KIAA0825: variants seen among roughly 807,000 people sequenced by gnomAD.
KIAA0825 encodes KIAA0825.
In KIAA0825, 119 loss-of-function variants were observed where a neutral mutation model predicts 147.6. The observed-to-expected ratio is 0.81, with a 90% CI of 0.69 to 0.94. The LOEUF (loss-of-function observed/expected upper bound fraction) is 0.94. Among genes scored for constraint, KIAA0825 ranks in the 40% least tolerant of loss-of-function variants. The probability of loss-of-function intolerance (pLI) is 0.00; values close to 1 mark genes in which losing one functional copy is unlikely to be tolerated. For synonymous variants in KIAA0825, 470 were observed against 518.1 expected, an observed-to-expected ratio of 0.91 and a Z score of 1.26; for missense variants, 1,381 against 1,472.7, an observed-to-expected ratio of 0.94 and a Z score of 1.02.
chr5:94,155,579 G>A (rs1211545876), intron 20 of KIAA0825, among the ~76,000 whole-genome samples: 1 of 152,044 alleles, frequency 6.6e-6, no homozygotes, highest in Non-Finnish European at 1.5e-5. Flanking sequence ...GGCCAGTCCT[G>A]GCAGTCATAT....
At chr5:94,612,414 T>G (rs571896546) in intron 1 of KIAA0825, among the ~76,000 whole-genome samples, 1 of 152,078 alleles carries the variant, frequency 6.6e-6, no homozygotes, top group Non-Finnish European at 1.5e-5. Flanking sequence ...CTTAGAAGAG[T>G]GTAGCACTTT....
chr5:94,529,377 C>A (rs549440947), intron 3 of KIAA0825, among the ~76,000 whole-genome samples: 19 of 138,814 alleles, frequency 1.4e-4, no homozygotes, highest in South Asian at 4.5e-4. Context: ...ATGTATATAT[C>A]TCATATATGT....
At chr5:94,351,768 A>C (rs1225992420) in intron 20 of KIAA0825, among the ~76,000 whole-genome samples, 1 of 152,036 alleles carries the variant, frequency 6.6e-6, no homozygotes, top group African/African-American at 2.4e-5. Flanking sequence ...CAGAATAAAT[A>C]ACCCAGAAAT....
In KIAA0825 at chr5:94,469,989, T is replaced by C. The variant is rs1287864280; in HGVS notation, c.1844A>G (p.His615Arg). 1 of 1,551,700 alleles carries C rather than the reference T, an allele frequency of 6.4e-7. No homozygotes were observed. Among genetic ancestry groups the C allele is most frequent in the African/African-American group, 1.4e-5 (1 of 73,050 alleles). The change falls in exon 10 of 21, where the codon CAC becomes CGC. Residue 615 changes from histidine to arginine, a missense_variant. By Grantham distance (29) the His-to-Arg change is conservative. Coordinates refer to ENST00000682413, the MANE Select transcript of KIAA0825 (RefSeq NM_001145678.3). ...TSILQDAESHHWDDYKAFYEG... is the reference protein window; with the variant it reads ...TSILQDAESHRWDDYKAFYEG... ...ATAAAAAGCTTTGTAGTCATCCCAG[T>C]GGTGGCTCTCAGCATCCTGTAAAAT...
rs1000559480 is a variant in KIAA0825, at chr5:94,618,559, T to A, written c.-212A>T. On this transcript the variant is annotated 5_prime_UTR_variant, in exon 1 of 21. Coordinates refer to ENST00000682413, the MANE Select transcript of KIAA0825 (RefSeq NM_001145678.3). The stretch of plus-strand genomic sequence containing the variant: ...CCTGACCCGCTGGCCAGACTCAAGC[T>A]CTGCACCAGGTATTACCACCCTGGC... 3.3e-5 allele frequency: 5 copies of A among 153,688 alleles called. No homozygotes were observed. The highest frequency in any genetic ancestry group is 1.5e-5 in the Non-Finnish European group (1 of 68,230). The allele number at this position is 153,688 out of a possible 1,614,324, so 9.5% of individuals were successfully genotyped here.
At chr5:94,333,982 C>T (rs1781539696) in intron 20 of KIAA0825, among the ~76,000 whole-genome samples, 2 of 152,030 alleles carry the variant, frequency 1.3e-5, no homozygotes, top group Non-Finnish European at 2.9e-5. Context: ...ACATTCCATG[C>T]TCATGGATAG....
chr5:94,189,880 T>C (rs1770500494), intron 20 of KIAA0825, among the ~76,000 whole-genome samples: 2 of 152,224 alleles, frequency 1.3e-5, no homozygotes, highest in South Asian at 4.1e-4. Flanking sequence ...CTAAAAATAT[T>C]GAATCTTCAA....
At chr5:94,476,323 T>C (rs1294661697) in intron 7 of KIAA0825, among the ~76,000 whole-genome samples, 1 of 152,156 alleles carries the variant, frequency 6.6e-6, no homozygotes, top group Non-Finnish European at 1.5e-5. Context: ...GCAGGCCAGA[T>C]ATTAATGGAG....
intron 20 of KIAA0825, among the ~76,000 whole-genome samples, chr5:94,200,209 AG>A (rs1279446684): frequency 6.6e-6 from 1 of 152,068 alleles, no homozygotes; most frequent in Non-Finnish European, 1.5e-5. Flanking sequence ...TGTGGGTCAT[AG>A]GGGTCTCCCA....
intron 1 of KIAA0825, among the ~76,000 whole-genome samples, chr5:94,607,331 T>C (rs1336911427): frequency 6.6e-6 from 1 of 152,134 alleles, no homozygotes; most frequent in East Asian, 1.9e-4. Flanking sequence ...TGTGACACTT[T>C]AGGAAATCAG....
In KIAA0825 at chr5:94,583,486, C is replaced by T. The variant is rs142613986; in HGVS notation, c.-152-903G>A. Reference sequence around the variant, plus strand: ...CAGCCATTGTTCAGGCTTGAGTAGACGGTTCTATGCTCACAGTGCAAACAA... The same window carrying T: ...CAGCCATTGTTCAGGCTTGAGTAGATGGTTCTATGCTCACAGTGCAAACAA... On this transcript the variant is annotated intron_variant, in intron 1 of 20. Transcript: ENST00000682413. Among the ~76,000 whole-genome samples the T allele has an allele frequency of 1.9e-3, 292 of 152,238 alleles. 1 individual carries two copies. The highest frequency in any genetic ancestry group is 6.4e-3 in the African/African-American group (267 of 41,568).
chr5:94,272,865 T>A (rs1419612257), intron 20 of KIAA0825, among the ~76,000 whole-genome samples: 1 of 152,220 alleles, frequency 6.6e-6, no homozygotes, highest in African/African-American at 2.4e-5. Context: ...ATTGGCTCAG[T>A]GTATGTATGG....
intron 3 of KIAA0825, among the ~76,000 whole-genome samples, chr5:94,530,336 G>GT (rs1770537793): frequency 2.0e-5 from 3 of 146,528 alleles, no homozygotes; most frequent in Admixed American, 2.0e-4. Flanking sequence ...TTATGAATGA[G>GT]ACAGAGTTTC....
chr5:94,163,066 AT>A (rs1767720945), intron 20 of KIAA0825, among the ~76,000 whole-genome samples: 1 of 152,198 alleles, frequency 6.6e-6, no homozygotes, highest in African/African-American at 2.4e-5. Context: ...AAAGTCTAAA[AT>A]TCAGTGACCT....
chr5:94,368,904 A>C (rs985682957), intron 20 of KIAA0825, among the ~76,000 whole-genome samples: 1 of 152,160 alleles, frequency 6.6e-6, no homozygotes, highest in Non-Finnish European at 1.5e-5. Context: ...ATGGTGGCTC[A>C]CACCTGTAAT....
At chr5:94,611,171 A>G (rs1788696144) in intron 1 of KIAA0825, among the ~76,000 whole-genome samples, 1 of 152,160 alleles carries the variant, frequency 6.6e-6, no homozygotes. Context: ...ATAGCACAAA[A>G]AAGAAGCCTT....
At chr5:94,198,929 A>G (rs920188963) in intron 20 of KIAA0825, among the ~76,000 whole-genome samples, 3 of 152,142 alleles carry the variant, frequency 2.0e-5, no homozygotes, top group Non-Finnish European at 2.9e-5. Flanking sequence ...TAAAATGACT[A>G]TGTTGTTTTT....
chr5:94,583,464 C>A (rs1169972286), intron 1 of KIAA0825, among the ~76,000 whole-genome samples: 2 of 152,188 alleles, frequency 1.3e-5, no homozygotes, highest in Non-Finnish European at 2.9e-5. Flanking sequence ...AGGGTGTCAG[C>A]CATTGTTCAG....
intron 1 of KIAA0825, among the ~76,000 whole-genome samples, chr5:94,609,547 C>A (rs771500060): frequency 1.1e-4 from 17 of 151,980 alleles, no homozygotes; most frequent in Middle Eastern, 3.4e-3. Flanking sequence ...ATTACTGAGA[C>A]CAAAAGTTTG....
Sources: gnomAD v4.1 joint callset for allele counts (sites outside exome capture counted in the v4.1 genomes callset) on GRCh38, gnomAD v4.1.1 for gene constraint, MANE v1.5 for transcripts, NCBI Gene and HGNC (gene_info 2026-07-23, HGNC 2026-07-21) for gene names.